Variants in BROX observed in about 807,000 individuals in gnomAD.
BROX encodes BRO1 domain-containing protein BROX.
In BROX, 53 loss-of-function variants were observed where a neutral mutation model predicts 61.0. That is an observed-to-expected ratio of 0.87 (90% CI 0.70 to 1.09). BROX has a LOEUF of 1.09. Ranked by LOEUF, BROX falls within the 50% of genes least tolerant of loss-of-function variation. The pLI is 0.00. For missense variants in BROX, 489 were observed against 472.0 expected (o/e 1.04, Z -0.33); for synonymous variants, 152 against 160.2 (o/e 0.95, Z 0.38).
chr1:222,728,770 C>T lies in BROX; in HGVS notation c.698C>T (p.Ala233Val). ...CATACTTTATCCAGTTTGGAGCCTG[C>T]ATATTCTGCCAAATGGAGAAAATAT... is the stretch of plus-strand genomic sequence containing the variant. ...ADHTLSSLEP[A>V]YSAKWRKYLH... Residue 233 changes from alanine to valine, a missense_variant, in exon 9 of 13, where the codon GCA (alanine) becomes GTA (valine). Ala to Val is a moderately conservative substitution (Grantham distance 64). Coordinates refer to ENST00000340934, the MANE Select transcript of BROX (RefSeq NM_144695.4). 3 of 1,602,454 alleles carry T rather than the reference C, an allele frequency of 1.9e-6. No homozygotes were observed. The highest frequency in any genetic ancestry group is 1.7e-6 in the Non-Finnish European group (2 of 1,171,430).
Position 222,732,740 on chromosome 1 carries a change from C to T in BROX, c.*26C>T. 6.5e-7 allele frequency: 1 copy of T among 1,543,646 alleles called. No homozygotes were observed. The highest frequency in any genetic ancestry group is 8.9e-7 in the Non-Finnish European group (1 of 1,121,968). On this transcript the variant is annotated 3_prime_UTR_variant, in exon 13 of 13. Coordinates refer to ENST00000340934, the MANE Select transcript of BROX (RefSeq NM_144695.4). ...AATACAACTTGCACTTAGAATTTCT[C>T]TAGCAGTAAATAAGATAAACCACAG...
At chr1:222,724,898 A>G (rs1571978346) in intron 6 of BROX, among the ~76,000 whole-genome samples, 1 of 151,896 alleles carries the variant, frequency 6.6e-6, no homozygotes, top group East Asian at 1.9e-4. Flanking sequence ...GGTTCAAGTG[A>G]TTCTCCTGCC....
At chr1:222,724,684 C>T (rs184363151) in intron 6 of BROX, among the ~76,000 whole-genome samples, 169 of 152,280 alleles carry the variant, frequency 1.1e-3, no homozygotes, top group African/African-American at 3.9e-3. Context: ...CTAATTAAAT[C>T]ACTTTATTGA....
intron 1 of BROX, among the ~76,000 whole-genome samples, chr1:222,714,326 C>T (rs1251369633): frequency 2.0e-5 from 3 of 151,324 alleles, no homozygotes; most frequent in Admixed American, 6.6e-5. Flanking sequence ...CCTCAGCCTC[C>T]CAAGTAGCTG....
intron 6 of BROX, among the ~76,000 whole-genome samples, chr1:222,724,918 C>T (rs934226849): frequency 4.6e-5 from 7 of 151,992 alleles, no homozygotes; most frequent in Admixed American, 6.6e-5. Context: ...CTCAGCCTCC[C>T]GAGTAGCTGG....
rs147480860 is a variant in BROX at position 222,731,311 on chromosome 1, A to G, written c.990-46A>G. 4,648 of 1,500,500 alleles carry G rather than the reference A, an allele frequency of 3.1e-3. 21 individuals are homozygous for G. Among genetic ancestry groups the G allele is most frequent in the Middle Eastern group, 8.5e-3 (48 of 5,634 alleles). 92.9% of individuals were successfully genotyped at this position (1,500,500 alleles called of 1,614,324 possible). On this transcript the variant is annotated intron_variant, in intron 11 of 12. Transcript: ENST00000340934. ...GGACCTTGAACATATTAGGCACTCA[A>G]ATAACGAACAAATGAATGAATTGCT...
At chr1:222,730,746 A>T (rs547907638) in intron 11 of BROX, among the ~76,000 whole-genome samples, 2 of 152,334 alleles carry the variant, frequency 1.3e-5, no homozygotes, top group South Asian at 4.1e-4. Context: ...AGTTAACTTC[A>T]TTAGGACACT....
chr1:222,714,853 T>G (rs748715159), intron 1 of BROX, among the ~76,000 whole-genome samples: 56 of 152,184 alleles, frequency 3.7e-4, no homozygotes, highest in Non-Finnish European at 6.3e-4. Context: ...CTGCTGAGAT[T>G]ACAGGCATGA....
At chr1:222,729,793 G>C (rs1241376730) in intron 10 of BROX, 92 bp downstream of exon 10, 1 of 1,287,306 alleles carries the variant, frequency 7.8e-7, no homozygotes, top group African/African-American at 1.5e-5. Context: ...TTTTGGCTGA[G>C]TTCATGAAAG....
rs532591032 is a variant in BROX, at chr1:222,716,440, A to G, written c.101+640A>G. Among the ~76,000 whole-genome samples the G allele has an allele frequency of 9.2e-5, 14 of 152,298 alleles. No homozygotes were observed. In the South Asian group the frequency reaches 2.5e-3, roughly 27 times the overall value. ...AATTGGCCACATATTAAACTTCTTG[A>G]CTTCAGAATAAGGAGAGATCCCTGT... On this transcript the variant is annotated intron_variant, in intron 2 of 12. Transcript: ENST00000340934.
intron 2 of BROX, 134 bp from the exon 3 acceptor site, chr1:222,718,791 C>A: frequency 1.4e-6 from 1 of 693,574 alleles, no homozygotes; most frequent in South Asian, 1.7e-5. Flanking sequence ...TGTTTTAAAG[C>A]TTTTACATTG....
At chr1:222,732,401 A>G (rs991829777) in intron 12 of BROX, among the ~76,000 whole-genome samples, 3 of 152,172 alleles carry the variant, frequency 2.0e-5, no homozygotes, top group Non-Finnish European at 1.5e-5. Flanking sequence ...TAGGAGTACC[A>G]TTAGCTTGGT....
rs756145444 is a variant in BROX, at chr1:222,728,861, T to C, written c.756+33T>C. ...TTCACAACGCTAAAAACAATGTAAA[T>C]TATTGTTTCTCCAGCCCTTGGAGTG... On this transcript the variant is annotated intron_variant, in intron 9 of 12. Transcript: ENST00000340934. The C allele has an allele frequency of 2.0e-6, 3 of 1,468,426 alleles. No individual in the cohort carries two copies. In the South Asian group the frequency reaches 3.7e-5, roughly 18 times the overall value. 91.0% of individuals were successfully genotyped at this position (1,468,426 alleles called of 1,614,324 possible). A position where few individuals can be genotyped will look rare whatever the true frequency, so the allele number is the denominator to read the frequency against.
chr1:222,719,241 A>G, intron 3 of BROX, 22 bp from the exon 4 acceptor site: 1 of 1,511,236 alleles, frequency 6.6e-7, no homozygotes. Flanking sequence ...CTAAAACTAA[A>G]ATGTCTTGTA....
At chr1:222,720,633 A>T (rs1293749144) in intron 4 of BROX, among the ~76,000 whole-genome samples, 1 of 152,034 alleles carries the variant, frequency 6.6e-6, no homozygotes, top group African/African-American at 2.4e-5. Flanking sequence ...CCAACGTGGT[A>T]AAACACTGTC....
chr1:222,713,022 C>G (rs1363802016), intron 1 of BROX, 80 bp downstream of exon 1: 9 of 1,165,422 alleles, frequency 7.7e-6, no homozygotes, highest in African/African-American at 1.6e-5. Context: ...GGATCACCCC[C>G]TTTTACATTA....
chr1:222,713,078 G>A, intron 1 of BROX, 136 bp downstream of exon 1: 3 of 1,028,296 alleles, frequency 2.9e-6, no homozygotes, highest in African/African-American at 3.4e-5. Context: ...TCCTTCTAGT[G>A]CCTTGAAACA....
chr1:222,732,515 C>G (rs1329159692), intron 12 of BROX, 113 bp from the exon 13 acceptor site: 8 of 660,264 alleles, frequency 1.2e-5, no homozygotes, highest in South Asian at 2.1e-5. Flanking sequence ...TTGTCAGTAT[C>G]CATGTTATGT....
rs1447648977 is a variant in BROX at position 222,733,070 on chromosome 1, T to C, written c.*356T>C. On this transcript the variant is annotated 3_prime_UTR_variant, in exon 13 of 13. Transcript: ENST00000340934. ...TTTTTCTTTTTTCTTTTTCTTTTTTTTTTTTCTTTTTTTTTTTTTTTTTTT... is the reference window on the plus strand; with the variant it reads ...TTTTTCTTTTTTCTTTTTCTTTTTTCTTTTTCTTTTTTTTTTTTTTTTTTT... 2.7e-5 allele frequency: 4 copies of C among 146,888 alleles called. No individual in the cohort carries two copies. Among genetic ancestry groups the C allele is most frequent in the African/African-American group, 1.0e-4 (4 of 38,652 alleles). 9.1% of individuals were successfully genotyped at this position (146,888 alleles called of 1,614,324 possible). A position where few individuals can be genotyped will look rare whatever the true frequency, so the allele number is the denominator to read the frequency against.
Sources: allele counts gnomAD v4.1 joint callset (sites outside exome capture counted in the v4.1 genomes callset), GRCh38; gene constraint gnomAD v4.1.1; transcripts MANE v1.5; gene names NCBI Gene and HGNC (gene_info 2026-07-23, HGNC 2026-07-21).